PDPK1: variants seen among roughly 807,000 people sequenced by gnomAD.
The protein encoded by PDPK1 is 3-phosphoinositide dependent protein kinase 1.
PDPK1 carries 7 observed loss-of-function variants against 39.8 expected under a neutral mutation model. The ratio of observed to expected loss-of-function variants is 0.18; its 90% confidence interval spans 0.10 to 0.33. The LOEUF (loss-of-function observed/expected upper bound fraction) is 0.33, where lower values mean the gene tolerates loss of function less well. PDPK1 is among the 10% of genes least tolerant of loss of function. The pLI, the probability that PDPK1 is intolerant of heterozygous loss-of-function variation, is 1.00. For synonymous variants in PDPK1, 118 were observed against 159.1 expected (o/e 0.74, Z 1.95); for missense variants, 182 against 384.7 (o/e 0.47, Z 4.41).
Position 2,586,720 on chromosome 16 carries a change from G to A in PDPK1, c.1170G>A (p.Ser390=), listed in dbSNP as rs377095764. The A allele has an allele frequency of 1.2e-6, 2 of 1,614,212 alleles. No homozygotes were observed. Among genetic ancestry groups the A allele is most frequent in the Admixed American group, 1.7e-5 (1 of 60,022 alleles). The change falls in exon 11 of 14, where the codon TCG becomes TCA. Residue 390 remains serine, a synonymous_variant. Coordinates refer to ENST00000342085, the MANE Select transcript of PDPK1 (RefSeq NM_002613.5). ...LSQFGCMQVS[S]SSSSHSLSAS... ...AGTTTGGCTGCATGCAGGTGTCTTC[G>A]TCCTCCTCCTCACACTCCCTGTCAG...
At chr16:2,587,688 T>A (rs1269606620) in intron 11 of PDPK1, among the ~76,000 whole-genome samples, 2 of 152,318 alleles carry the variant, frequency 1.3e-5, no homozygotes, top group Admixed American at 1.3e-4. Context: ...TTTGTATTTT[T>A]TGATAGAGAC....
At position 2,586,531 on chromosome 16, in the gene PDPK1, G is replaced by A. The variant is rs149750511; in HGVS notation, c.1126-145G>A. 2.5e-3 allele frequency: 1,651 copies of A among 654,070 alleles called. 32 individuals carry two copies. The East Asian group carries it at 0.039, about 15-fold the overall frequency. 40.5% of individuals were successfully genotyped at this position (654,070 alleles called of 1,614,324 possible). A position where few individuals can be genotyped will look rare whatever the true frequency, so the allele number is the denominator to read the frequency against. ...CTGTGGCCAGGTGTCCCATGGAGGA[G>A]AATCAGGGCTGCCCACCCTGTCGCC... is the stretch of plus-strand genomic sequence containing the variant. On this transcript the variant is annotated intron_variant, in intron 10 of 13. Coordinates refer to ENST00000342085, the MANE Select transcript of PDPK1 (RefSeq NM_002613.5).
rs200084489 is a variant in PDPK1, at chr16:2,595,877, C to T, written c.1401+27C>T. On this transcript the variant is annotated intron_variant, in intron 12 of 13. Coordinates refer to ENST00000342085, the MANE Select transcript of PDPK1 (RefSeq NM_002613.5). ...TGAGTGGTCAGTGGTCCCGCTGCTC[C>T]GCACGGACACCTGCATCTTCCCCGA... 3.6e-5 allele frequency: 57 copies of T among 1,579,038 alleles called. No individual in the cohort carries two copies. The East Asian group carries it at 6.7e-4, about 19-fold the overall frequency.
rs770386112 is a variant in PDPK1, at chr16:2,597,764, G to C, written c.1668G>C (p.Gln556His). 4 of 1,607,998 alleles carry C rather than the reference G, an allele frequency of 2.5e-6. No individual in the cohort carries two copies. Among genetic ancestry groups the C allele is most frequent in the Non-Finnish European group, 3.4e-6 (4 of 1,175,876 alleles). Residue 556 changes from glutamine to histidine, a missense_variant, in exon 14 of 14, where the codon CAG becomes CAC. Transcript: ENST00000342085. The surrounding 1 kb of genome is among the most constrained non-coding windows in gnomAD (Gnocchi z 6.3). Reference sequence around the variant, plus strand: ...AGAGCCACCCGGACGCCGCTGTGCAGTGACGTGGCCTGCGGCCGGGCTGCC... The same window carrying C: ...AGAGCCACCCGGACGCCGCTGTGCACTGACGTGGCCTGCGGCCGGGCTGCC... ...RYQSHPDAAV[Q>H]
chr16:2,544,607 G>A (rs1438062073), intron 1 of PDPK1, among the ~76,000 whole-genome samples: 4 of 150,828 alleles, frequency 2.7e-5, no homozygotes, highest in Non-Finnish European at 1.5e-5. Flanking sequence ...TTTTTGAGAC[G>A]GAGTCTCGCT....
chr16:2,598,975 C>T lies in PDPK1; in HGVS notation c.*1208C>T, dbSNP rs144433575. On this transcript the variant is annotated 3_prime_UTR_variant, in exon 14 of 14. Coordinates refer to ENST00000342085, the MANE Select transcript of PDPK1 (RefSeq NM_002613.5). The stretch of plus-strand genomic sequence containing the variant: ...GAGTGGGCTTTGCCAGTTGCTGTTG[C>T]ACAGGAGGCGAGAACAGCACACTTC... 30 of 233,328 alleles carry T rather than the reference C, an allele frequency of 1.3e-4. No homozygotes were observed. The highest frequency in any genetic ancestry group is 6.2e-4 in the African/African-American group (28 of 45,462). The allele number at this position is 233,328 out of a possible 1,614,324, so 14.5% of individuals were successfully genotyped here.
At chr16:2,595,581 AG>A (rs2067084299) in intron 11 of PDPK1, among the ~76,000 whole-genome samples, 1 of 152,220 alleles carries the variant, frequency 6.6e-6, no homozygotes, top group South Asian at 2.1e-4. Context: ...TGGTATCTGC[AG>A]GCTCCGTTGC....
At chr16:2,556,723 A>C in intron 1 of PDPK1, among the ~76,000 whole-genome samples, 2 of 145,386 alleles carry the variant, frequency 1.4e-5, no homozygotes, top group Non-Finnish European at 3.0e-5. Context: ...CTGATCTTGA[A>C]CTCCCGACCG....
At chr16:2,546,835 C>T (rs1340130223) in intron 1 of PDPK1, among the ~76,000 whole-genome samples, 4 of 151,946 alleles carry the variant, frequency 2.6e-5, no homozygotes, top group Non-Finnish European at 5.9e-5. Context: ...GCAGCTATAT[C>T]CGCAGGATGG....
chr16:2,598,005 C>T lies in PDPK1; in HGVS notation c.*238C>T, dbSNP rs959207591. 49 of 544,486 alleles carry T rather than the reference C, an allele frequency of 9.0e-5. No homozygotes were observed. The highest frequency in any genetic ancestry group is 7.0e-4 in the African/African-American group (37 of 52,984). 33.7% of individuals were successfully genotyped at this position (544,486 alleles called of 1,614,324 possible). A position where few individuals can be genotyped will look rare whatever the true frequency, so the allele number is the denominator to read the frequency against. On this transcript the variant is annotated 3_prime_UTR_variant, in exon 14 of 14. Coordinates refer to ENST00000342085, the MANE Select transcript of PDPK1 (RefSeq NM_002613.5). Reference sequence around the variant, plus strand: ...GTCGCTTTGCTTGCTCTCTGTGCTCCGTGGAGGCCTCCGTGTGCCCTCGTT... The same window carrying T: ...GTCGCTTTGCTTGCTCTCTGTGCTCTGTGGAGGCCTCCGTGTGCCCTCGTT...
rs998610346 is a variant in PDPK1, at chr16:2,602,231, C to T, written c.*4464C>T. The T allele has an allele frequency of 2.1e-5, 5 of 234,492 alleles. No individual in the cohort carries two copies. Among genetic ancestry groups the T allele is most frequent in the Non-Finnish European group, 4.2e-5 (5 of 118,028 alleles). 14.5% of individuals were successfully genotyped at this position (234,492 alleles called of 1,614,324 possible). A position where few individuals can be genotyped will look rare whatever the true frequency, so the allele number is the denominator to read the frequency against. On this transcript the variant is annotated 3_prime_UTR_variant, in exon 14 of 14. Coordinates refer to ENST00000342085, the MANE Select transcript of PDPK1 (RefSeq NM_002613.5). ...TGGGGGTCCCTTCTTACGCAGCACA[C>T]GTGGCAAGTGCCTGAATCGGGGCTG...
At chr16:2,543,724 T>C (rs775733845) in intron 1 of PDPK1, among the ~76,000 whole-genome samples, 1 of 152,128 alleles carries the variant, frequency 6.6e-6, no homozygotes, top group Non-Finnish European at 1.5e-5. Flanking sequence ...TTTTTTGTTA[T>C]TTGTTTTTTG....
At position 2,597,993 on chromosome 16, in the gene PDPK1, C is replaced by T; in HGVS notation, c.*226C>T. On this transcript the variant is annotated 3_prime_UTR_variant, in exon 14 of 14. Coordinates refer to ENST00000342085, the MANE Select transcript of PDPK1 (RefSeq NM_002613.5). This position sits in a 1 kb window ranked among gnomAD's most constrained non-coding sequence, Gnocchi z 6.3. Reference sequence around the variant, plus strand: ...AAGGAATTCAGGGTCGCTTTGCTTGCTCTCTGTGCTCCGTGGAGGCCTCCG... The same window carrying T: ...AAGGAATTCAGGGTCGCTTTGCTTGTTCTCTGTGCTCCGTGGAGGCCTCCG... 1 of 559,382 alleles carries T rather than the reference C, an allele frequency of 1.8e-6. No homozygotes were observed. The highest frequency in any genetic ancestry group is 2.2e-5 in the South Asian group (1 of 45,816). 34.7% of individuals were successfully genotyped at this position (559,382 alleles called of 1,614,324 possible).
chr16:2,560,040 C>T (rs1305686841), intron 2 of PDPK1, among the ~76,000 whole-genome samples: 1 of 150,024 alleles, frequency 6.7e-6, no homozygotes, highest in East Asian at 2.0e-4. Flanking sequence ...GGAGGCTGGG[C>T]AAGAGCCAGC....
In PDPK1 at chr16:2,597,224, A is replaced by G. The variant is rs866640912; in HGVS notation, c.1503A>G (p.Ser501=). Reference sequence around the variant, plus strand: ...TTCTGAAAGGTGAAATTCCTTGGTCACAAGAACTTCGACCAGAGGCCAAGA... The same window carrying G: ...TTCTGAAAGGTGAAATTCCTTGGTCGCAAGAACTTCGACCAGAGGCCAAGA... ...NKVLKGEIPW[S]QELRPEAKNF... is the part of the protein sequence containing the mutation. The change falls in exon 13 of 14, where the codon TCA becomes TCG. Residue 501 remains serine, a synonymous_variant. Coordinates refer to ENST00000342085, the MANE Select transcript of PDPK1 (RefSeq NM_002613.5). This position sits in a 1 kb window ranked among gnomAD's most constrained non-coding sequence, Gnocchi z 6.3. The G allele has an allele frequency of 3.1e-6, 5 of 1,597,584 alleles. No homozygotes were observed. The Middle Eastern group carries it at 6.6e-4, about 212-fold the overall frequency.
At chr16:2,587,037 T>C in intron 11 of PDPK1, 144 bp downstream of exon 11, 3 of 736,556 alleles carry the variant, frequency 4.1e-6, no homozygotes, top group East Asian at 5.2e-5. Flanking sequence ...AAGTGCACAG[T>C]TGGAAACAGG....
intron 1 of PDPK1, among the ~76,000 whole-genome samples, chr16:2,547,259 G>A (rs938259529): frequency 3.4e-5 from 5 of 146,344 alleles, no homozygotes; most frequent in South Asian, 2.1e-4. Context: ...GAGGGCGAGC[G>A]CTAGGTTCGT....
In PDPK1 at chr16:2,586,744, A is replaced by G. The variant is rs1346161679; in HGVS notation, c.1194A>G (p.Ser398=). 1 of 1,614,240 alleles carries G rather than the reference A, an allele frequency of 6.2e-7. No individual in the cohort carries two copies. The highest frequency in any genetic ancestry group is 1.7e-5 in the Admixed American group (1 of 60,032). The change falls in exon 11 of 14, where the codon TCA becomes TCG. Residue 398 remains serine, a synonymous_variant. Coordinates refer to ENST00000342085, the MANE Select transcript of PDPK1 (RefSeq NM_002613.5). ...VSSSSSSHSL[S]ASDTGLPQRS... ...CGTCCTCCTCCTCACACTCCCTGTC[A>G]GCCTCCGACACGGGCCTGCCCCAGA...
chr16:2,589,403 T>A (rs937567116), intron 11 of PDPK1, among the ~76,000 whole-genome samples: 1 of 152,170 alleles, frequency 6.6e-6, no homozygotes, highest in African/African-American at 2.4e-5. Flanking sequence ...TACATGAGAA[T>A]ACGGTAAGTT....
Sources: gnomAD v4.1 joint callset for allele counts (sites outside exome capture counted in the v4.1 genomes callset) on GRCh38, gnomAD v4.1.1 for gene constraint, Gnocchi (gnomAD v3.1) non-coding constraint, MANE v1.5 for transcripts, NCBI Gene and HGNC (gene_info 2026-07-23, HGNC 2026-07-21) for gene names.